MGAT5: variants seen among roughly 807,000 people sequenced by gnomAD.
The protein encoded by MGAT5 is alpha-1,6-mannosylglycoprotein 6-beta-N-acetylglucosaminyltransferase.
MGAT5 carries 30 observed loss-of-function variants against 94.3 expected under a neutral mutation model. The observed-to-expected ratio is 0.32, with a 90% CI of 0.24 to 0.43. MGAT5 has a LOEUF of 0.43. MGAT5 is among the 20% of genes least tolerant of loss of function. MGAT5 has a pLI of 1.00. For synonymous variants in MGAT5, 310 were observed against 322.9 expected, an observed-to-expected ratio of 0.96 and a Z score of 0.43; for missense variants, 691 against 905.5, an observed-to-expected ratio of 0.76 and a Z score of 3.04.
At chr2:134,416,509 C>T (rs1048441260) in intron 12 of MGAT5, among the ~76,000 whole-genome samples, 2 of 145,616 alleles carry the variant, frequency 1.4e-5, no homozygotes, top group Non-Finnish European at 3.0e-5. Context: ...TGCTCTGCCA[C>T]CCAGGCTGGA....
intron 1 of MGAT5, among the ~76,000 whole-genome samples, chr2:134,242,432 C>T (rs1682022809): frequency 6.6e-6 from 1 of 152,164 alleles, no homozygotes; most frequent in Admixed American, 6.5e-5. Flanking sequence ...GTAGGATGTA[C>T]ATCCAGCTTA....
intron 1 of MGAT5, among the ~76,000 whole-genome samples, chr2:134,186,665 G>C (rs1689051306): frequency 6.6e-6 from 1 of 152,158 alleles, no homozygotes; most frequent in Admixed American, 6.5e-5. Context: ...CCTTGTCCCT[G>C]CCAGCTGGTG....
At chr2:134,434,878 C>T (rs1685084987) in intron 14 of MGAT5, among the ~76,000 whole-genome samples, 1 of 152,200 alleles carries the variant, frequency 6.6e-6, no homozygotes, top group Admixed American at 6.5e-5. Context: ...CCTCTGAGTC[C>T]AGGGACTGTG....
chr2:134,132,158 T>C (rs1686205213), intron 1 of MGAT5, among the ~76,000 whole-genome samples: 1 of 152,248 alleles, frequency 6.6e-6, no homozygotes, highest in South Asian at 2.1e-4. Flanking sequence ...TAAAAATCTT[T>C]TTGTTAGTTA....
Position 134,450,241 on chromosome 2 carries a change from G to A in MGAT5, c.*1394G>A, listed in dbSNP as rs908787656. 1 of 152,434 alleles carries A rather than the reference G, an allele frequency of 6.6e-6. No homozygotes were observed. 9.4% of individuals were successfully genotyped at this position (152,434 alleles called of 1,614,324 possible). A position where few individuals can be genotyped will look rare whatever the true frequency, so the allele number is the denominator to read the frequency against. ...TGCTGATGCAAGTGAGACCCCTTCTGCCTAATGTGAGCGGTTGGCGTCCTC... is the reference window on the plus strand; with the variant it reads ...TGCTGATGCAAGTGAGACCCCTTCTACCTAATGTGAGCGGTTGGCGTCCTC... On this transcript the variant is annotated 3_prime_UTR_variant, in exon 16 of 16. Coordinates refer to ENST00000281923, the MANE Select transcript of MGAT5 (RefSeq NM_002410.5).
At chr2:134,346,505 A>C (rs970289590) in intron 8 of MGAT5, among the ~76,000 whole-genome samples, 6 of 152,086 alleles carry the variant, frequency 3.9e-5, no homozygotes, top group Admixed American at 3.3e-4. Flanking sequence ...TTAAAAGCCT[A>C]CTCAGATCCT....
chr2:134,127,694 C>T (rs147726647), intron 1 of MGAT5, among the ~76,000 whole-genome samples: 86 of 152,166 alleles, frequency 5.7e-4, no homozygotes, highest in African/African-American at 1.9e-3. Flanking sequence ...GGCTTCTGCA[C>T]TTAGCTGGCT....
chr2:134,253,206 T>G (rs1682724178), upstream of MGAT5: 1 of 152,240 alleles, frequency 6.6e-6, no homozygotes, highest in African/African-American at 2.4e-5. Flanking sequence ...GAAGAATCCT[T>G]TGACTGAAGC....
chr2:134,287,927 C>G (rs943039671), intron 2 of MGAT5, among the ~76,000 whole-genome samples: 2 of 152,080 alleles, frequency 1.3e-5, no homozygotes, highest in African/African-American at 4.8e-5. Flanking sequence ...GAAAAATTCA[C>G]CAGTGTAATA....
Position 134,237,149 on chromosome 2 carries a change from G to GTGTGTGCA in MGAT5, c.-142-17113_-142-17112insTGTGTGCA, listed in dbSNP as rs1553499213. Reference sequence around the variant, plus strand: ...TGTGTGTGTGTGTGTGTGTGTGTGTGCGCGTGTGTGTGAATTTTTACCCTC... The same window carrying GTGTGTGCA: ...TGTGTGTGTGTGTGTGTGTGTGTGTGTGTGTGCACGCGTGTGTGTGAATTTTTACCCTC... On this transcript the variant is annotated intron_variant, in intron 1 of 16. Transcript: ENST00000409645. Among the ~76,000 whole-genome samples the GTGTGTGCA allele has an allele frequency of 6.8e-5, 6 of 87,824 alleles. No individual in the cohort carries two copies. The East Asian group carries it at 8.3e-4, about 12-fold the overall frequency. The allele number at this position is 87,824 out of a possible 152,430, so 57.6% of individuals were successfully genotyped here.
chr2:134,441,747 T>C lies in MGAT5; in HGVS notation c.1870-11T>C. Reference sequence around the variant, plus strand: ...TTGGACCTGTGGCTGATGGCTTCATTGTCGTTCTAGGACTTCTGCCATGGG... The same window carrying C: ...TTGGACCTGTGGCTGATGGCTTCATCGTCGTTCTAGGACTTCTGCCATGGG... On this transcript the variant is annotated splice_polypyrimidine_tract_variant and intron_variant, in intron 14 of 15. Coordinates refer to ENST00000281923, the MANE Select transcript of MGAT5 (RefSeq NM_002410.5). 1 of 1,603,714 alleles carries C rather than the reference T, an allele frequency of 6.2e-7. No homozygotes were observed. The highest frequency in any genetic ancestry group is 8.5e-7 in the Non-Finnish European group (1 of 1,172,228).
At chr2:134,250,090 T>G (rs1388690444), upstream of MGAT5, among the ~76,000 whole-genome samples, 1 of 152,244 alleles carries the variant, frequency 6.6e-6, no homozygotes, top group Non-Finnish European at 1.5e-5. Flanking sequence ...TCTAACCATC[T>G]TTATAAAGGT....
At chr2:134,433,007 G>T (rs1396274717) in intron 14 of MGAT5, among the ~76,000 whole-genome samples, 1 of 152,076 alleles carries the variant, frequency 6.6e-6, no homozygotes, top group Non-Finnish European at 1.5e-5. Flanking sequence ...AATTGGTAGT[G>T]TTACACAACT....
intron 1 of MGAT5, among the ~76,000 whole-genome samples, chr2:134,195,199 A>T (rs1679438243): frequency 6.6e-6 from 1 of 152,146 alleles, no homozygotes; most frequent in Non-Finnish European, 1.5e-5. Flanking sequence ...CCAATGGCTC[A>T]TTTCTCACCC....
intron 1 of MGAT5, among the ~76,000 whole-genome samples, chr2:134,145,485 G>T (rs1686876877): frequency 6.6e-6 from 1 of 152,228 alleles, no homozygotes; most frequent in Admixed American, 6.5e-5. Context: ...GGTGGAGCCT[G>T]TAGTGAGCCG....
At chr2:134,140,582 A>C (rs1412115932) in intron 1 of MGAT5, among the ~76,000 whole-genome samples, 1 of 152,250 alleles carries the variant, frequency 6.6e-6, no homozygotes, top group East Asian at 1.9e-4. Context: ...TTTGATGAGT[A>C]CTTTATATCA....
intron 1 of MGAT5, among the ~76,000 whole-genome samples, chr2:134,206,461 G>GT (rs1422081103): frequency 6.6e-6 from 1 of 152,028 alleles, no homozygotes; most frequent in East Asian, 1.9e-4. Flanking sequence ...TATTGCTGCT[G>GT]TAACAAATTA....
chr2:134,133,489 TG>T (rs2104922922), intron 1 of MGAT5, among the ~76,000 whole-genome samples: 1 of 152,350 alleles, frequency 6.6e-6, no homozygotes, highest in East Asian at 1.9e-4. Flanking sequence ...ATTTATTTAT[TG>T]TCAGTGAGAA....
intron 1 of MGAT5, among the ~76,000 whole-genome samples, chr2:134,218,891 T>C (rs527330387): frequency 6.6e-6 from 1 of 152,346 alleles, no homozygotes; most frequent in South Asian, 2.1e-4. Flanking sequence ...ACGTGGTTCC[T>C]TAAGCAATGC....
Sources: gnomAD v4.1 joint callset for allele counts (sites outside exome capture counted in the v4.1 genomes callset) on GRCh38, gnomAD v4.1.1 for gene constraint, MANE v1.5 for transcripts, NCBI Gene and HGNC (gene_info 2026-07-23, HGNC 2026-07-21) for gene names.